The following CEP76 variants were observed in gnomAD, a reference collection of about 807,000 sequenced individuals.
CEP76 encodes the protein centrosomal protein of 76 kDa.
Under a neutral mutation model 83.3 loss-of-function variants are expected in CEP76, and 55 were observed. That is an observed-to-expected ratio of 0.66 (90% CI 0.53 to 0.83). CEP76 has a LOEUF of 0.83. CEP76 is among the 40% of genes least tolerant of loss of function. CEP76 has a pLI of 0.00. For missense variants in CEP76, 694 were observed against 799.5 expected, an observed-to-expected ratio of 0.87 and a Z score of 1.59; for synonymous variants, 270 against 274.5, an observed-to-expected ratio of 0.98 and a Z score of 0.16.
chr18:12,702,225 C>T (rs982730387), intron 1 of CEP76, among the ~76,000 whole-genome samples: 2 of 152,236 alleles, frequency 1.3e-5, no homozygotes, highest in African/African-American at 2.4e-5. Context: ...GCGCTTCATT[C>T]TCACGGCCGT....
At chr18:12,669,032 C>CTTTTTTT (rs71174122), downstream of CEP76, among the ~76,000 whole-genome samples, 117 of 41,942 alleles carry the variant, frequency 2.8e-3, 31 homozygotes, top group African/African-American at 0.01. Context: ...ACCCCCCGCA[C>CTTTTTTT]TTTTTTTTTT....
At chr18:12,690,548 C>T (rs535212073) in intron 7 of CEP76, among the ~76,000 whole-genome samples, 11 of 151,946 alleles carry the variant, frequency 7.2e-5, no homozygotes, top group African/African-American at 2.7e-4. Flanking sequence ...CTCCGCCTCC[C>T]GGGTTCACGC....
At chr18:12,669,184 C>T (rs532599769), downstream of CEP76, among the ~76,000 whole-genome samples, 2 of 151,248 alleles carry the variant, frequency 1.3e-5, no homozygotes, top group African/African-American at 4.9e-5. Context: ...GTGATCTCAG[C>T]TCACGGCAAC....
chr18:12,695,322 A>C lies in CEP76; in HGVS notation c.736T>G (p.Leu246Val). 1 of 1,560,536 alleles carries C rather than the reference A, an allele frequency of 6.4e-7. No homozygotes were observed. Among genetic ancestry groups the C allele is most frequent in the Non-Finnish European group, 8.8e-7 (1 of 1,139,098 alleles). Residue 246 changes from leucine (L) to valine (V), a missense_variant, in exon 6 of 12, where the codon TTA becomes GTA. By Grantham distance (32) the Leu-to-Val change is conservative (BLOSUM62 1). Transcript: ENST00000262127. ...GGATACATTTCAAGTTTTATATTTA[A>C]AATTCCCACAGAAACTTTTGATTCT... ...GTESKVSVGI[L>V]NIKLEMYPPL...
rs1469791854 is a variant in CEP76, at chr18:12,691,527, ATC to A, written c.805-42_805-41del. On this transcript the variant is annotated intron_variant, in intron 6 of 11. Coordinates refer to ENST00000262127, the MANE Select transcript of CEP76 (RefSeq NM_024899.4). ...AAATATTTTTCAATTTCTATTCATT[ATC>A]TTTAATTACTACAAAATATGTAGCA... The A allele has an allele frequency of 4.8e-6, 7 of 1,446,904 alleles. No individual in the cohort carries two copies. The South Asian group carries it at 8.6e-5, about 18-fold the overall frequency. The allele number at this position is 1,446,904 out of a possible 1,614,324, so 89.6% of individuals were successfully genotyped here.
At chr18:12,694,375 A>T (rs748682030) in intron 6 of CEP76, among the ~76,000 whole-genome samples, 2 of 152,216 alleles carry the variant, frequency 1.3e-5, no homozygotes, top group Non-Finnish European at 2.9e-5. Context: ...CACAAGTGCC[A>T]TCCCGGCAAG....
At chr18:12,685,236 G>C (rs977897662) in intron 8 of CEP76, 1 of 151,994 alleles carries the variant, frequency 6.6e-6, no homozygotes, top group African/African-American at 2.4e-5. Context: ...CTGACCTCAG[G>C]TGATCCACCC....
At chr18:12,677,314 T>A (rs2039172856) in intron 10 of CEP76, among the ~76,000 whole-genome samples, 1 of 151,976 alleles carries the variant, frequency 6.6e-6, no homozygotes, top group Non-Finnish European at 1.5e-5. Context: ...AGCACATGTC[T>A]ATAATCCCAG....
downstream of CEP76, among the ~76,000 whole-genome samples, chr18:12,668,650 A>G (rs189704763): frequency 6.1e-4 from 89 of 146,834 alleles, 1 homozygote; most frequent in African/African-American, 2.2e-3. Context: ...ACTTAATCCA[A>G]TCAAAAAGCT....
chr18:12,678,384 G>A lies in CEP76; in HGVS notation c.1348C>T (p.Leu450=). Residue 450 remains leucine, a synonymous_variant, in exon 10 of 12, where the codon CTG becomes TTG. Coordinates refer to ENST00000262127, the MANE Select transcript of CEP76 (RefSeq NM_024899.4). Reference sequence around the variant, plus strand: ...CAACCAATTGTTCGATATGGGTACAGTGGTTTGGGCTGTTCAGCAACTGGA... The same window carrying A: ...CAACCAATTGTTCGATATGGGTACAATGGTTTGGGCTGTTCAGCAACTGGA... ...EPPVAEQPKP[L]YPYRTIGCVF... 5 of 1,614,152 alleles carry A rather than the reference G, an allele frequency of 3.1e-6. No homozygotes were observed. Among genetic ancestry groups the A allele is most frequent in the Non-Finnish European group, 3.4e-6 (4 of 1,180,030 alleles).
In CEP76 at chr18:12,678,150, T is replaced by C; in HGVS notation, c.1582A>G (p.Ile528Val). ...ACCAGGAGCCTCAGCTGCATTTCAA[T>C]TTCATTACTTGTTACTGACGCGTCA... ...TIDASVTSNEIEMQLRLLVSE... is the reference protein window; with the variant it reads ...TIDASVTSNEVEMQLRLLVSE... Residue 528 changes from isoleucine (I) to valine (V), a missense_variant, in exon 10 of 12, where the codon ATT (isoleucine) becomes GTT (valine). Physicochemically the swap from Ile to Val is conservative, Grantham distance 29. Transcript: ENST00000262127. The C allele has an allele frequency of 6.2e-7, 1 of 1,613,888 alleles. No individual in the cohort carries two copies.
At chr18:12,666,936 G>A (rs547433246) in intron 12 of CEP76, among the ~76,000 whole-genome samples, 1 of 151,926 alleles carries the variant, frequency 6.6e-6, no homozygotes, top group African/African-American at 2.4e-5. Flanking sequence ...TTCATAATGA[G>A]TTTAAAATTA....
intron 12 of CEP76, among the ~76,000 whole-genome samples, chr18:12,662,538 G>A (rs2038714379): frequency 6.6e-6 from 1 of 152,222 alleles, no homozygotes; most frequent in Admixed American, 6.5e-5. Flanking sequence ...CACTTTGGGA[G>A]GCTGAGGCAG....
intron 8 of CEP76, among the ~76,000 whole-genome samples, chr18:12,681,165 T>A (rs1429812268): frequency 6.7e-6 from 1 of 149,080 alleles, no homozygotes; most frequent in Non-Finnish European, 1.5e-5. Flanking sequence ...GCCACTGCAT[T>A]CCAGCCTCAG....
intron 10 of CEP76, among the ~76,000 whole-genome samples, chr18:12,677,619 A>G (rs1436680895): frequency 6.6e-6 from 1 of 152,082 alleles, no homozygotes; most frequent in Non-Finnish European, 1.5e-5. Flanking sequence ...CCCAGTATAC[A>G]TATTTTTTCT....
chr18:12,677,984 A>T, intron 10 of CEP76, 125 bp downstream of exon 10: 1 of 678,062 alleles, frequency 1.5e-6, no homozygotes, highest in Non-Finnish European at 2.5e-6. Flanking sequence ...GCTTCATAAT[A>T]GTAGGGACTG....
At chr18:12,701,798 T>A (rs920343153) in intron 1 of CEP76, among the ~76,000 whole-genome samples, 1 of 152,202 alleles carries the variant, frequency 6.6e-6, no homozygotes, top group African/African-American at 2.4e-5. Context: ...AAGCTCCTGG[T>A]TCAACTTCGC....
intron 1 of CEP76, among the ~76,000 whole-genome samples, chr18:12,701,901 C>A (rs533334420): frequency 1.0e-3 from 153 of 152,288 alleles, no homozygotes; most frequent in African/African-American, 3.5e-3. Context: ...GAGGCCGAGG[C>A]GGCCGGATCA....
chr18:12,700,775 CAA>C (rs1354331815), intron 2 of CEP76, among the ~76,000 whole-genome samples, 181 bp downstream of exon 2: 2 of 152,090 alleles, frequency 1.3e-5, no homozygotes, highest in African/African-American at 4.8e-5. Context: ...CATTGATACA[CAA>C]AACTATTCAG....
Sources: allele counts gnomAD v4.1 joint callset (sites outside exome capture counted in the v4.1 genomes callset), GRCh38; gene constraint gnomAD v4.1.1; transcripts MANE v1.5; gene names NCBI Gene and HGNC (gene_info 2026-07-23, HGNC 2026-07-21).